FLNB: variants seen among roughly 807,000 people sequenced by gnomAD.
FLNB encodes filamin-B.
FLNB carries 111 observed loss-of-function variants against 250.6 expected under a neutral mutation model. That is an observed-to-expected ratio of 0.44 (90% CI 0.38 to 0.52). The LOEUF is 0.52. Among genes scored for constraint, FLNB ranks in the 20% least tolerant of loss-of-function variants. FLNB has a pLI of 0.00. For missense variants in FLNB, 2,869 were observed against 3,447.8 expected (o/e 0.83, Z 4.20); for synonymous variants, 1,302 against 1,372.1 (o/e 0.95, Z 1.13).
intron 2 of FLNB, among the ~76,000 whole-genome samples, chr3:58,077,821 G>A (rs894216965): frequency 6.6e-6 from 1 of 152,124 alleles, no homozygotes; most frequent in Non-Finnish European, 1.5e-5. Flanking sequence ...CCCTTGATGG[G>A]CTGCTCATTT....
chr3:58,010,952 G>A (rs2097097721), intron 1 of FLNB, among the ~76,000 whole-genome samples: 1 of 152,018 alleles, frequency 6.6e-6, no homozygotes, highest in African/African-American at 2.4e-5. Context: ...GCCTTGCTCT[G>A]TCTCCAGGCT....
Position 58,008,568 on chromosome 3 carries a change from C to T in FLNB, c.4C>T (p.Pro2Ser), listed in dbSNP as rs758201060. The T allele has an allele frequency of 2.5e-6, 4 of 1,590,386 alleles. No individual in the cohort carries two copies. Among genetic ancestry groups the T allele is most frequent in the South Asian group, 2.3e-5 (2 of 88,544 alleles). Residue 2 changes from proline to serine, a missense_variant, in exon 1 of 46, where the codon CCG (proline) becomes TCG (serine). Pro to Ser is a moderately conservative substitution (Grantham distance 74). Around this residue, in one of 5 missense-constraint regions of FLNB, gnomAD observed 308 missense variants for 466.1 expected, o/e 0.66. Transcript: ENST00000295956. Reference protein sequence around the residue: MPVTEKDLAEDA... With the variant: MSVTEKDLAEDA... ...TTGCGCTCTCCCCGCCACCAGGATGCCGGTAACCGAGAAGGATCTAGCTGA... is the reference window on the plus strand; with the variant it reads ...TTGCGCTCTCCCCGCCACCAGGATGTCGGTAACCGAGAAGGATCTAGCTGA...
At chr3:58,166,758 GC>G (rs1353303032) in intron 43 of FLNB, among the ~76,000 whole-genome samples, 1 of 152,052 alleles carries the variant, frequency 6.6e-6, no homozygotes, top group African/African-American at 2.4e-5. Flanking sequence ...GAAGATTGAC[GC>G]TGTGGTGAGC....
intron 1 of FLNB, among the ~76,000 whole-genome samples, chr3:58,021,270 GA>G (rs2097113661): frequency 6.6e-6 from 1 of 152,186 alleles, no homozygotes; most frequent in Admixed American, 6.5e-5. Flanking sequence ...CCTCCCAGGG[GA>G]CCTGAGGTGC....
At chr3:58,108,392 G>C in intron 12 of FLNB, 66 bp from the exon 13 acceptor site, 1 of 1,029,400 alleles carries the variant, frequency 9.7e-7, no homozygotes, top group South Asian at 1.3e-5. Context: ...CTGGTTACCT[G>C]TCTTTGTATA....
chr3:58,062,456 C>A (rs1020836096), intron 1 of FLNB, among the ~76,000 whole-genome samples: 2 of 152,184 alleles, frequency 1.3e-5, no homozygotes, highest in Non-Finnish European at 2.9e-5. Context: ...TCCCTCCCCC[C>A]ACCAGTTGTC....
chr3:58,153,859 C>A (rs1048329678), intron 39 of FLNB, among the ~76,000 whole-genome samples: 2 of 152,182 alleles, frequency 1.3e-5, no homozygotes, highest in African/African-American at 4.8e-5. Flanking sequence ...TACTGGGAGC[C>A]TCCTTGGAGC....
intron 39 of FLNB, among the ~76,000 whole-genome samples, chr3:58,153,999 T>C (rs2097349429): frequency 6.6e-6 from 1 of 152,224 alleles, no homozygotes; most frequent in Non-Finnish European, 1.5e-5. Flanking sequence ...AAGCATCCTT[T>C]CCTGTGGTTG....
chr3:58,090,127 T>C (rs1447283692), intron 4 of FLNB, among the ~76,000 whole-genome samples: 1 of 147,330 alleles, frequency 6.8e-6, no homozygotes, highest in East Asian at 2.1e-4. Context: ...TTTAAAACTT[T>C]TCATTTTTGT....
chr3:58,010,335 C>A (rs1404073239), intron 1 of FLNB, among the ~76,000 whole-genome samples: 1 of 152,200 alleles, frequency 6.6e-6, no homozygotes, highest in Non-Finnish European at 1.5e-5. Context: ...GGCTGAGCCT[C>A]CCCTGGGCCT....
In FLNB at chr3:58,106,861, C is replaced by G; in HGVS notation, c.1929C>G (p.Tyr643Ter). 1.2e-6 allele frequency: 2 copies of G among 1,613,608 alleles called. No individual in the cohort carries two copies. Among genetic ancestry groups the G allele is most frequent in the Non-Finnish European group, 1.7e-6 (2 of 1,179,858 alleles). The change falls in exon 12 of 46, where the codon TAC (tyrosine) becomes TAG (stop). Residue 643 changes from tyrosine (Y) to a stop codon, truncating the protein, a stop_gained. Coordinates refer to ENST00000295956, the MANE Select transcript of FLNB (RefSeq NM_001457.4). LOFTEE classifies it high-confidence loss of function. ...TCATCCACCCAGCCACGGGAGGCTA[C>G]AACCCTGATCTGGTGAATCAGCTGC... is the stretch of plus-strand genomic sequence containing the variant. ...MAFIHPATGG[Y>*]NPDLVRAYGP...
intron 1 of FLNB, among the ~76,000 whole-genome samples, chr3:58,076,599 A>G (rs1360442947): frequency 1.3e-5 from 2 of 151,096 alleles, no homozygotes; most frequent in African/African-American, 4.9e-5. Context: ...GGACTACAGG[A>G]GTGAGCCACC....
chr3:58,021,925 C>T lies in FLNB; in HGVS notation c.292+13069C>T, dbSNP rs542025660. On this transcript the variant is annotated intron_variant, in intron 1 of 45. Coordinates refer to ENST00000295956, the MANE Select transcript of FLNB (RefSeq NM_001457.4). ...ACGTAGTCAGAATTACAGGCACACA[C>T]ACCAACACTGCTGGCTAATTTTGTA... 2.3e-4 allele frequency among the ~76,000 whole-genome samples: 35 copies of T among 152,306 alleles called. No individual in the cohort carries two copies. The South Asian group carries it at 6.0e-3, about 26-fold the overall frequency.
chr3:58,016,519 A>G (rs913999544), intron 1 of FLNB, among the ~76,000 whole-genome samples: 1 of 150,334 alleles, frequency 6.7e-6, no homozygotes, highest in Non-Finnish European at 1.5e-5. Flanking sequence ...AGTTATAAAC[A>G]TACTCTACTG....
At chr3:58,107,394 T>G (rs545736087) in intron 12 of FLNB, among the ~76,000 whole-genome samples, 1 of 152,330 alleles carries the variant, frequency 6.6e-6, no homozygotes, top group African/African-American at 2.4e-5. Context: ...GCAAGTAACT[T>G]ACCTATCTGA....
At chr3:58,084,841 A>G (rs533113650) in intron 4 of FLNB, among the ~76,000 whole-genome samples, 2 of 152,132 alleles carry the variant, frequency 1.3e-5, no homozygotes, top group Admixed American at 6.5e-5. Context: ...GGGACCTCCT[A>G]GAAGTGAAAT....
Position 58,108,466 on chromosome 3 carries a change from A to C in FLNB, c.1950A>C (p.Ala650=). Residue 650 remains alanine, a synonymous_variant, in exon 13 of 46, where the codon GCA becomes GCC. Coordinates refer to ENST00000295956, the MANE Select transcript of FLNB (RefSeq NM_001457.4). The stretch of plus-strand genomic sequence containing the variant: ...ATCTGCCTTTGCTTCAGGTTCGAGC[A>C]TACGGGCCAGGTTTGGAGAAATCTG... ...TGGYNPDLVR[A]YGPGLEKSGC... 6.2e-7 allele frequency: 1 copy of C among 1,612,556 alleles called. No homozygotes were observed. Among genetic ancestry groups the C allele is most frequent in the South Asian group, 1.1e-5 (1 of 91,032 alleles).
intron 9 of FLNB, among the ~76,000 whole-genome samples, chr3:58,103,265 G>GGTGTGTGTGTGTGTGT (rs10571409): frequency 0.026 from 3,781 of 148,102 alleles, 73 homozygotes; most frequent in Admixed American, 0.046. Flanking sequence ...AGCCAAGGAG[G>GGTGTGTGTGTGTGTGT]GTGTGTGTGT....
At chr3:58,061,974 C>A (rs2097179362) in intron 1 of FLNB, among the ~76,000 whole-genome samples, 1 of 151,618 alleles carries the variant, frequency 6.6e-6, no homozygotes, top group South Asian at 2.1e-4. Context: ...GCCTGTAATC[C>A]CAGCTACTTG....
Sources: gnomAD v4.1 joint callset for allele counts (sites outside exome capture counted in the v4.1 genomes callset) on GRCh38, gnomAD v4.1.1 for gene constraint, gnomAD v4.1.1 regional missense constraint, MANE v1.5 for transcripts, NCBI Gene and HGNC (gene_info 2026-07-23, HGNC 2026-07-21) for gene names.